Variants in ZNF684 observed in about 807,000 individuals in gnomAD.
ZNF684 encodes zinc finger protein 684.
ZNF684 carries 13 observed loss-of-function variants against 12.8 expected under a neutral mutation model. That is an observed-to-expected ratio of 1.02 (90% CI 0.66 to 1.62). ZNF684 has a LOEUF of 1.62. ZNF684 is among the 40% of genes most tolerant of loss of function. The pLI, the probability that ZNF684 is intolerant of heterozygous loss-of-function variation, is 0.00. For missense variants in ZNF684, 384 were observed against 446.9 expected (o/e 0.86, Z 1.27); for synonymous variants, 118 against 151.8 (o/e 0.78, Z 1.64).
chr1:40,544,863 A>G (rs1646035263), intron 4 of ZNF684: 1 of 152,358 alleles, frequency 6.6e-6, no homozygotes, highest in African/African-American at 2.4e-5. Context: ...TCCTCCCTAA[A>G]GAGTATCTAA....
chr1:40,532,733 C>T (rs955003777), intron 1 of ZNF684, among the ~76,000 whole-genome samples: 1 of 152,120 alleles, frequency 6.6e-6, no homozygotes, highest in Non-Finnish European at 1.5e-5. Context: ...CTTATCCCAG[C>T]GTCAGAGTAG....
At chr1:40,538,730 C>T (rs956316223) in intron 2 of ZNF684, among the ~76,000 whole-genome samples, 31 of 152,100 alleles carry the variant, frequency 2.0e-4, no homozygotes, top group Non-Finnish European at 4.0e-4. Context: ...CACCTATAAT[C>T]CCAGTTACTC....
chr1:40,542,754 G>A (rs1646023341), intron 4 of ZNF684, among the ~76,000 whole-genome samples: 2 of 152,100 alleles, frequency 1.3e-5, no homozygotes, highest in Admixed American at 6.5e-5. Flanking sequence ...CCCCTGCTTT[G>A]CAGTCTCAAA....
chr1:40,541,400 G>T, intron 3 of ZNF684: 1 of 371,896 alleles, frequency 2.7e-6, no homozygotes, highest in Non-Finnish European at 5.3e-6. Context: ...AGCCAGGATG[G>T]TCTCGATCTC....
chr1:40,546,421 A>T, intron 4 of ZNF684, 141 bp from the exon 5 acceptor site: 2 of 797,678 alleles, frequency 2.5e-6, no homozygotes, highest in South Asian at 2.6e-5. Context: ...CAGCAGTTTT[A>T]TTCTTAAAGC....
rs1306416813 is a variant in ZNF684, at chr1:40,547,818, AAC to A, written c.*360_*361del. ...TACATTATATTAAAGTATGCCTATT[AAC>A]AGTTTCTGCAGTAAATAACATTTTT... is the stretch of plus-strand genomic sequence containing the variant. On this transcript the variant is annotated 3_prime_UTR_variant, in exon 5 of 5. Coordinates refer to ENST00000372699, the MANE Select transcript of ZNF684 (RefSeq NM_152373.4). 10 of 159,356 alleles carry A rather than the reference AAC, an allele frequency of 6.3e-5. No individual in the cohort carries two copies. Among genetic ancestry groups the A allele is most frequent in the Non-Finnish European group, 1.4e-4 (10 of 72,780 alleles). 9.9% of individuals were successfully genotyped at this position (159,356 alleles called of 1,614,324 possible).
chr1:40,537,122 TCCCA>T (rs891733418), intron 2 of ZNF684, among the ~76,000 whole-genome samples: 1 of 152,186 alleles, frequency 6.6e-6, no homozygotes, highest in Non-Finnish European at 1.5e-5. Context: ...TAGTTTACAG[TCCCA>T]CCAACAGTGT....
intron 2 of ZNF684, among the ~76,000 whole-genome samples, chr1:40,536,050 G>A (rs79762468): frequency 7.9e-5 from 12 of 152,020 alleles, no homozygotes; most frequent in East Asian, 3.9e-4. Flanking sequence ...CTTTAATTTC[G>A]GTGCTTTTAA....
intron 4 of ZNF684, among the ~76,000 whole-genome samples, chr1:40,545,411 G>A (rs1036655960): frequency 3.5e-4 from 53 of 152,302 alleles, no homozygotes; most frequent in African/African-American, 1.2e-3. Context: ...GCTTGCTGAA[G>A]ACTGGTTTGT....
chr1:40,536,623 A>C, intron 2 of ZNF684, among the ~76,000 whole-genome samples: 1 of 142,136 alleles, frequency 7.0e-6, no homozygotes, highest in African/African-American at 2.6e-5. Context: ...CTAACTCGTC[A>C]TCTAGCATTA....
chr1:40,534,541 C>T (rs1018411993), intron 2 of ZNF684, among the ~76,000 whole-genome samples: 16 of 151,776 alleles, frequency 1.1e-4, no homozygotes, highest in African/African-American at 3.6e-4. Context: ...GCACCCGGCC[C>T]TTTTATTATA....
intron 4 of ZNF684, chr1:40,544,950 T>C (rs1349073103): frequency 6.6e-6 from 1 of 152,202 alleles, no homozygotes; most frequent in African/African-American, 2.4e-5. Context: ...AGATTGAATT[T>C]AGGAATCTAG....
At chr1:40,533,230 A>G (rs1001400) in intron 2 of ZNF684, 49 bp downstream of exon 2, 296,162 of 1,583,092 alleles carry the variant, frequency 0.19, 36,818 homozygotes, top group East Asian at 0.5. Flanking sequence ...CCAAAAATCC[A>G]TATGATAAAA....
chr1:40,536,782 C>G (rs900934703), intron 2 of ZNF684, among the ~76,000 whole-genome samples: 3 of 149,564 alleles, frequency 2.0e-5, no homozygotes, highest in Non-Finnish European at 4.4e-5. Flanking sequence ...TTTGTTCTTG[C>G]GATAGTTTAC....
rs974603526 is a variant in ZNF684 at position 40,547,964 on chromosome 1, C to A, written c.*504C>A. On this transcript the variant is annotated 3_prime_UTR_variant, in exon 5 of 5. Coordinates refer to ENST00000372699, the MANE Select transcript of ZNF684 (RefSeq NM_152373.4). ...ACTTTTAATGGGCATGACAGTGTTT[C>A]TGAATCTGAGTCTCCTTTAATTATA... 1 of 152,216 alleles carries A rather than the reference C, an allele frequency of 6.6e-6. No homozygotes were observed. The highest frequency in any genetic ancestry group is 1.5e-5 in the Non-Finnish European group (1 of 68,140). The allele number at this position is 152,216 out of a possible 1,614,324, so 9.4% of individuals were successfully genotyped here.
Position 40,547,498 on chromosome 1 carries a change from T to C in ZNF684, c.*38T>C, listed in dbSNP as rs2124513923. On this transcript the variant is annotated 3_prime_UTR_variant, in exon 5 of 5. Transcript: ENST00000372699. ...GAATATGAGAAGGCCTTATTAAATA[T>C]TTGCTAAATCTTATTAAATACTAAA... 6.6e-7 allele frequency: 1 copy of C among 1,507,558 alleles called. No individual in the cohort carries two copies. Among genetic ancestry groups the C allele is most frequent in the East Asian group, 2.3e-5 (1 of 43,066 alleles). The allele number at this position is 1,507,558 out of a possible 1,614,324, so 93.4% of individuals were successfully genotyped here. A position where few individuals can be genotyped will look rare whatever the true frequency, so the allele number is the denominator to read the frequency against.
intron 2 of ZNF684, among the ~76,000 whole-genome samples, chr1:40,534,236 ATTTTTTTTTT>A (rs556340597): frequency 2.9e-5 from 3 of 102,598 alleles, no homozygotes; most frequent in African/African-American, 1.2e-4. Flanking sequence ...TTTTATTATA[ATTTTTTTTTT>A]TTTTTTTTTT....
At chr1:40,534,272 ACT>A (rs1379303637) in intron 2 of ZNF684, among the ~76,000 whole-genome samples, 2 of 112,754 alleles carry the variant, frequency 1.8e-5, no homozygotes, top group Non-Finnish European at 3.4e-5. Flanking sequence ...ACAGAGTTTC[ACT>A]CTGTTACCCA....
At chr1:40,535,382 A>T (rs1645978467) in intron 2 of ZNF684, among the ~76,000 whole-genome samples, 1 of 151,966 alleles carries the variant, frequency 6.6e-6, no homozygotes, top group African/African-American at 2.4e-5. Flanking sequence ...ATTTTTTTTT[A>T]TCTGCATTTG....
Sources: gnomAD v4.1 joint callset for allele counts (sites outside exome capture counted in the v4.1 genomes callset) on GRCh38, gnomAD v4.1.1 for gene constraint, MANE v1.5 for transcripts, NCBI Gene and HGNC (gene_info 2026-07-23, HGNC 2026-07-21) for gene names.